The following ATF3 variants were observed in gnomAD, a reference collection of about 807,000 sequenced individuals.
ATF3 encodes cyclic AMP-dependent transcription factor ATF-3.
Under a neutral mutation model 18.4 loss-of-function variants are expected in ATF3, and 10 were observed. The ratio of observed to expected loss-of-function variants is 0.54; its 90% CI spans 0.34 to 0.92. The LOEUF is 0.92. ATF3 is among the 40% of genes least tolerant of loss of function. The pLI is 0.02. For missense variants in ATF3, 183 were observed against 222.3 expected, an observed-to-expected ratio of 0.82 and a Z score of 1.12; for synonymous variants, 78 against 87.9, an observed-to-expected ratio of 0.89 and a Z score of 0.63.
chr1:212,571,124 T>C (rs1664471243), intron 1 of ATF3, among the ~76,000 whole-genome samples: 1 of 152,224 alleles, frequency 6.6e-6, no homozygotes, highest in South Asian at 2.1e-4. Flanking sequence ...TTGTCCACAT[T>C]TGGTGTTGTC....
intron 1 of ATF3, 95 bp from the exon 2 acceptor site, chr1:212,614,923 G>T: frequency 1.2e-6 from 2 of 1,608,088 alleles, no homozygotes; most frequent in Middle Eastern, 1.7e-4. Context: ...TTCTCTGAGG[G>T]TGGGGCTCTG....
chr1:212,617,980 C>A, intron 2 of ATF3, 147 bp from the exon 3 acceptor site: 1 of 712,280 alleles, frequency 1.4e-6, no homozygotes, highest in Non-Finnish European at 2.4e-6. Context: ...GGTTTTCACA[C>A]AAAAGTCTAG....
At chr1:212,575,989 G>A (rs1036769013) in intron 1 of ATF3, among the ~76,000 whole-genome samples, 4 of 151,932 alleles carry the variant, frequency 2.6e-5, no homozygotes, top group East Asian at 3.9e-4. Context: ...AAATAAGTTC[G>A]GAAATTCTCT....
chr1:212,606,899 G>A (rs971960098), upstream of ATF3, among the ~76,000 whole-genome samples: 2 of 152,204 alleles, frequency 1.3e-5, no homozygotes, highest in African/African-American at 4.8e-5. Flanking sequence ...TGTGCTGAGC[G>A]GCGCGCGGGG....
At chr1:212,597,055 C>T (rs762709727) in intron 1 of ATF3, among the ~76,000 whole-genome samples, 2 of 152,026 alleles carry the variant, frequency 1.3e-5, no homozygotes, top group South Asian at 2.1e-4. Flanking sequence ...GAGGAAGATG[C>T]GGGGGCAATC....
Position 212,572,885 on chromosome 1 carries a change from G to A in ATF3, c.-5+7402G>A, listed in dbSNP as rs535073422. Among the ~76,000 whole-genome samples the A allele has an allele frequency of 3.9e-5, 6 of 152,250 alleles. 2 individuals are homozygous for A. The highest frequency in any genetic ancestry group is 1.4e-4 in the African/African-American group (6 of 41,548). ...TTGGATAATAGTTCTATATAGAAAA[G>A]CAATGTAGCAAATTTCTACATACAA... On this transcript the variant is annotated intron_variant, in intron 1 of 3. Coordinates refer to the ATF3 transcript ENST00000366981.
At chr1:212,604,185 G>A (rs1162777136), upstream of ATF3, among the ~76,000 whole-genome samples, 4 of 152,162 alleles carry the variant, frequency 2.6e-5, no homozygotes, top group Admixed American at 1.3e-4. Flanking sequence ...AAGTGGTTAC[G>A]TTTTATAGAC....
At chr1:212,586,360 C>A (rs1319738473) in intron 1 of ATF3, among the ~76,000 whole-genome samples, 1 of 152,128 alleles carries the variant, frequency 6.6e-6, no homozygotes, top group African/African-American at 2.4e-5. Flanking sequence ...TTGGGGCAAG[C>A]CAGTGGGAGG....
intron 1 of ATF3, among the ~76,000 whole-genome samples, chr1:212,584,520 A>G (rs1366550408): frequency 6.6e-6 from 1 of 152,190 alleles, no homozygotes; most frequent in Non-Finnish European, 1.5e-5. Flanking sequence ...GCAGTCAGGC[A>G]GGAGGAGTTA....
intron 1 of ATF3, among the ~76,000 whole-genome samples, chr1:212,574,406 A>G (rs1664535783): frequency 6.6e-6 from 1 of 152,030 alleles, no homozygotes; most frequent in South Asian, 2.1e-4. Context: ...TCAAGCTTAT[A>G]TAATTTTTGT....
chr1:212,585,044 G>A (rs1410845199), intron 1 of ATF3, among the ~76,000 whole-genome samples: 2 of 152,216 alleles, frequency 1.3e-5, no homozygotes, highest in African/African-American at 2.4e-5. Context: ...CCAAAAGGAG[G>A]AGAAGAGAAA....
upstream of ATF3, chr1:212,608,738 G>T (rs1654732288): frequency 2.0e-5 from 3 of 152,034 alleles, no homozygotes; most frequent in Admixed American, 2.0e-4. Context: ...CTATAAAAGG[G>T]GTGATGCAAC....
Position 212,618,135 on chromosome 1 carries a change from T to C in ATF3, c.249T>C (p.Pro83=). Residue 83 remains proline (P), a synonymous_variant, in exon 3 of 4, where the codon CCT becomes CCC. Coordinates refer to ENST00000341491, the MANE Select transcript of ATF3 (RefSeq NM_001674.4). This position sits in a 1 kb window ranked among gnomAD's most constrained non-coding sequence, Gnocchi z 4.4. ...TCTTTTGGATTTTACAGGTAGCCCCTGAAGAAGATGAAAGGAAAAAGAGGC... is the reference window on the plus strand; with the variant it reads ...TCTTTTGGATTTTACAGGTAGCCCCCGAAGAAGATGAAAGGAAAAAGAGGC... The part of the protein sequence containing the change: ...GVSITKAEVA[P]EEDERKKRRR... 6.2e-7 allele frequency: 1 copy of C among 1,614,038 alleles called. No individual in the cohort carries two copies. The highest frequency in any genetic ancestry group is 2.2e-5 in the East Asian group (1 of 44,878).
At chr1:212,594,356 A>C (rs999929437) in intron 1 of ATF3, among the ~76,000 whole-genome samples, 1 of 152,194 alleles carries the variant, frequency 6.6e-6, no homozygotes, top group African/African-American at 2.4e-5. Context: ...AATTAAATAC[A>C]AATAACTTAT....
intron 1 of ATF3, among the ~76,000 whole-genome samples, chr1:212,587,759 G>A (rs536322030): frequency 3.3e-5 from 5 of 152,168 alleles, no homozygotes; most frequent in Admixed American, 1.3e-4. Context: ...CCTGCCTTTC[G>A]TCCCAAGTAT....
chr1:212,594,723 A>T (rs924439912), intron 1 of ATF3, among the ~76,000 whole-genome samples: 9 of 152,234 alleles, frequency 5.9e-5, no homozygotes, highest in Admixed American at 2.0e-4. Flanking sequence ...ATGGAGATGA[A>T]GCGCCCCGCC....
intron 1 of ATF3, among the ~76,000 whole-genome samples, chr1:212,575,988 C>T (rs74138382): frequency 2.6e-4 from 39 of 152,062 alleles, no homozygotes; most frequent in Non-Finnish European, 5.0e-4. Flanking sequence ...AAAATAAGTT[C>T]GGAAATTCTC....
At chr1:212,596,436 G>A (rs890523741) in intron 1 of ATF3, among the ~76,000 whole-genome samples, 10 of 152,328 alleles carry the variant, frequency 6.6e-5, no homozygotes, top group African/African-American at 1.2e-4. Context: ...CAAAGATGAC[G>A]TTTTACAACC....
chr1:212,589,691 A>G (rs564734637), intron 1 of ATF3, among the ~76,000 whole-genome samples: 2 of 152,024 alleles, frequency 1.3e-5, no homozygotes, highest in East Asian at 1.9e-4. Context: ...CTCAAAAAAA[A>G]AAAGAAAGAA....
Sources: allele counts gnomAD v4.1 joint callset (sites outside exome capture counted in the v4.1 genomes callset), GRCh38; gene constraint gnomAD v4.1.1; non-coding constraint Gnocchi (gnomAD v3.1); transcripts MANE v1.5; gene names NCBI Gene and HGNC (gene_info 2026-07-23, HGNC 2026-07-21).